Variants in NRXN3 observed in about 807,000 individuals in gnomAD.
NRXN3 encodes the protein neurexin 3, also known as neurexin III.
NRXN3 carries 32 observed loss-of-function variants against 137.6 expected under a neutral mutation model. The observed-to-expected ratio is 0.23, with a 90% CI of 0.18 to 0.31. The LOEUF is 0.31. Among genes scored for constraint, NRXN3 ranks in the 10% least tolerant of loss-of-function variants. The probability of loss-of-function intolerance (pLI) is 1.00; values close to 1 mark genes in which losing one functional copy is unlikely to be tolerated. For missense variants in NRXN3, 1,574 were observed against 2,062.5 expected (o/e 0.76, Z 4.59); for synonymous variants, 798 against 784.5 (o/e 1.02, Z -0.29).
chr14:79,046,771 A>G (rs1434871791), intron 15 of NRXN3, among the ~76,000 whole-genome samples: 2 of 152,204 alleles, frequency 1.3e-5, no homozygotes, highest in Admixed American at 6.5e-5. Context: ...ACATGAGATA[A>G]AACAGCCTAG....
intron 6 of NRXN3, among the ~76,000 whole-genome samples, chr14:78,702,771 G>C (rs912002729): frequency 6.6e-6 from 1 of 152,132 alleles, no homozygotes; most frequent in South Asian, 2.1e-4. Context: ...ATGACTCCAT[G>C]CTATACTGTC....
chr14:79,463,550 T>C (rs993671510), intron 15 of NRXN3, among the ~76,000 whole-genome samples: 1 of 152,188 alleles, frequency 6.6e-6, no homozygotes, highest in African/African-American at 2.4e-5. Flanking sequence ...GTGGTGACTG[T>C]GTAGAGATTT....
At chr14:79,571,022 G>A (rs1229469929) in intron 16 of NRXN3, among the ~76,000 whole-genome samples, 1 of 152,152 alleles carries the variant, frequency 6.6e-6, no homozygotes, top group East Asian at 1.9e-4. Context: ...AGCCATATTA[G>A]GGGTTAGGGC....
intron 15 of NRXN3, among the ~76,000 whole-genome samples, chr14:79,365,212 G>A (rs529271276): frequency 1.3e-5 from 2 of 152,118 alleles, no homozygotes; most frequent in South Asian, 4.2e-4. Context: ...TTGATTTCTC[G>A]GTTTGCATTT....
At position 79,034,206 on chromosome 14, in the gene NRXN3, C is replaced by G. The variant is rs528204413; in HGVS notation, c.3262+46065C>G. Among the ~76,000 whole-genome samples, 4 of 152,102 alleles carry G rather than the reference C, an allele frequency of 2.6e-5. No individual in the cohort carries two copies. In the South Asian group the frequency reaches 8.3e-4, roughly 32 times the overall value. ...TGAGTTCTCCTGTGACTCTTATGCT[C>G]CCTCATGTTTAAGATTCTACCCTGA... is the stretch of plus-strand genomic sequence containing the variant. On this transcript the variant is annotated intron_variant, in intron 15 of 20. Coordinates refer to ENST00000335750, the MANE Select transcript of NRXN3 (RefSeq NM_001330195.2).
chr14:79,567,716 C>T (rs922591385), intron 16 of NRXN3, among the ~76,000 whole-genome samples: 10 of 151,978 alleles, frequency 6.6e-5, no homozygotes, highest in Non-Finnish European at 1.2e-4. Context: ...CTAAATATGT[C>T]TATAGATAGA....
Position 79,862,791 on chromosome 14 carries a change from G to T in NRXN3, c.*827G>T, listed in dbSNP as rs761954719. 2.6e-5 allele frequency: 4 copies of T among 152,578 alleles called. No individual in the cohort carries two copies. The highest frequency in any genetic ancestry group is 6.5e-5 in the Admixed American group (1 of 15,280). The allele number at this position is 152,578 out of a possible 1,614,324, so 9.5% of individuals were successfully genotyped here. On this transcript the variant is annotated 3_prime_UTR_variant, in exon 21 of 21. Transcript: ENST00000335750. ...GACGGATGATAAATTGATTCGAAAA[G>T]CTGGTCCCCCAGGATCTAATTTCAG...
intron 17 of NRXN3, among the ~76,000 whole-genome samples, chr14:79,681,503 G>T (rs2098670219): frequency 6.6e-6 from 1 of 152,070 alleles, no homozygotes; most frequent in South Asian, 2.1e-4. Flanking sequence ...ACATGGCTGG[G>T]TTTCTTTTCT....
chr14:79,384,008 C>A (rs1017954715), intron 15 of NRXN3, among the ~76,000 whole-genome samples: 1 of 152,020 alleles, frequency 6.6e-6, no homozygotes, highest in Non-Finnish European at 1.5e-5. Flanking sequence ...CTCTTAGCTG[C>A]GAAATCAAGT....
chr14:78,316,405 A>G lies in NRXN3; in HGVS notation c.757+18545A>G, dbSNP rs573884069. Among the ~76,000 whole-genome samples the G allele has an allele frequency of 7.9e-5, 12 of 152,314 alleles. No individual in the cohort carries two copies. The South Asian group carries it at 2.5e-3, about 32-fold the overall frequency. On this transcript the variant is annotated intron_variant, in intron 4 of 20. Coordinates refer to ENST00000335750, the MANE Select transcript of NRXN3 (RefSeq NM_001330195.2). ...GAAAGAGGAATTAAAGACCTATATA[A>G]TAAGATATTTTGGGGTTATTGTTTC...
chr14:79,243,540 G>A (rs2074647562), intron 15 of NRXN3, among the ~76,000 whole-genome samples: 1 of 152,170 alleles, frequency 6.6e-6, no homozygotes, highest in Non-Finnish European at 1.5e-5. Context: ...CATGTCTCAT[G>A]ATGATGGGGA....
chr14:79,848,446 T>C (rs936813116), intron 20 of NRXN3, among the ~76,000 whole-genome samples: 4 of 151,722 alleles, frequency 2.6e-5, no homozygotes, highest in Non-Finnish European at 5.9e-5. Context: ...ATTGAGTTTT[T>C]GCAATGTTTT....
At chr14:79,475,360 A>G (rs2096550531) in intron 16 of NRXN3, among the ~76,000 whole-genome samples, 1 of 152,110 alleles carries the variant, frequency 6.6e-6, no homozygotes, top group African/African-American at 2.4e-5. Context: ...GAGCCCTTAG[A>G]CTGTTAGTTA....
At chr14:78,784,755 G>A (rs528432635) in intron 8 of NRXN3, among the ~76,000 whole-genome samples, 1 of 152,256 alleles carries the variant, frequency 6.6e-6, no homozygotes, top group East Asian at 1.9e-4. Flanking sequence ...AGAGGATGGG[G>A]GCTTTGACTA....
Position 78,243,315 on chromosome 14 carries a change from C to T in NRXN3, c.222C>T (p.Asp74=), listed in dbSNP as rs1328454479. The T allele has an allele frequency of 1.2e-5, 18 of 1,559,112 alleles. No individual in the cohort carries two copies. The highest frequency in any genetic ancestry group is 1.4e-5 in the Non-Finnish European group (16 of 1,160,000). ...LLYLDDGGVC[D]FLCLSLVDGR... ...ACCTGGATGATGGCGGCGTCTGCGACTTCCTATGCCTCTCCCTGGTGGATG... is the reference window on the plus strand; with the variant it reads ...ACCTGGATGATGGCGGCGTCTGCGATTTCCTATGCCTCTCCCTGGTGGATG... The change falls in exon 2 of 21, where the codon GAC becomes GAT. Residue 74 remains aspartate, a synonymous_variant. Coordinates refer to ENST00000335750, the MANE Select transcript of NRXN3 (RefSeq NM_001330195.2). This position sits in a 1 kb window ranked among gnomAD's most constrained non-coding sequence, Gnocchi z 4.2.
Position 78,347,431 on chromosome 14 carries a change from A to G in NRXN3, c.757+49571A>G, listed in dbSNP as rs556395630. The stretch of plus-strand genomic sequence containing the variant: ...TGTATGTTATCCCACGGAGTGTTTT[A>G]CCAAGCCACTCCCTGGATGATAATA... On this transcript the variant is annotated intron_variant, in intron 4 of 20. Coordinates refer to ENST00000335750, the MANE Select transcript of NRXN3 (RefSeq NM_001330195.2). Among the ~76,000 whole-genome samples the G allele has an allele frequency of 2.0e-5, 3 of 152,318 alleles. No individual in the cohort carries two copies. The East Asian group carries it at 5.8e-4, about 29-fold the overall frequency.
At chr14:79,343,099 C>T (rs555483599) in intron 15 of NRXN3, among the ~76,000 whole-genome samples, 4 of 152,074 alleles carry the variant, frequency 2.6e-5, no homozygotes, top group South Asian at 2.1e-4. Flanking sequence ...TGGTGTCAGC[C>T]GATCCATCCT....
intron 19 of NRXN3, among the ~76,000 whole-genome samples, chr14:79,741,610 G>T (rs982511364): frequency 6.6e-6 from 1 of 151,948 alleles, no homozygotes; most frequent in African/African-American, 2.4e-5. Context: ...TCAGCTTCCC[G>T]AGTAGCTGGG....
intron 4 of NRXN3, among the ~76,000 whole-genome samples, chr14:78,533,060 C>T (rs987215788): frequency 2.7e-5 from 4 of 150,942 alleles, no homozygotes; most frequent in Non-Finnish European, 5.9e-5. Flanking sequence ...GCCACTACAT[C>T]AGTCTCCCAA....
Sources: gnomAD v4.1 joint callset for allele counts (sites outside exome capture counted in the v4.1 genomes callset) on GRCh38, gnomAD v4.1.1 for gene constraint, Gnocchi (gnomAD v3.1) non-coding constraint, MANE v1.5 for transcripts, NCBI Gene and HGNC (gene_info 2026-07-23, HGNC 2026-07-21) for gene names.